The following RSPH14 variants were observed in gnomAD, a reference collection of about 807,000 sequenced individuals.
RSPH14 encodes the protein rhabdoid tumor deletion region gene 1.
In RSPH14, 20 loss-of-function variants were observed where a neutral mutation model predicts 26.7. The observed-to-expected ratio is 0.75, with a 90% CI of 0.53 to 1.09. The LOEUF is 1.09. RSPH14 is among the 50% of genes least tolerant of loss of function. The pLI is 0.00. For synonymous variants in RSPH14, 177 were observed against 189.3 expected, an observed-to-expected ratio of 0.93 and a Z score of 0.53; for missense variants, 449 against 457.2, an observed-to-expected ratio of 0.98 and a Z score of 0.16.
At chr22:23,077,336 A>G (rs1280336211) in intron 4 of RSPH14, among the ~76,000 whole-genome samples, 1 of 151,832 alleles carries the variant, frequency 6.6e-6, no homozygotes, top group Non-Finnish European at 1.5e-5. Context: ...TTGATGCCTC[A>G]CTCCCTGTAG....
chr22:23,108,154 C>T (rs2069538017), intron 4 of RSPH14, among the ~76,000 whole-genome samples: 1 of 152,236 alleles, frequency 6.6e-6, no homozygotes, highest in African/African-American at 2.4e-5. Context: ...GCCAGGCAAT[C>T]CCAACCCCTG....
upstream of RSPH14, among the ~76,000 whole-genome samples, chr22:23,144,123 G>T (rs139594866): frequency 3.9e-3 from 493 of 126,062 alleles, 4 homozygotes; most frequent in African/African-American, 0.014. Context: ...AAAAAAAACA[G>T]CTAAAGGAGG....
At chr22:23,150,782 G>A in the RSPH14 span, among the ~76,000 whole-genome samples, 2 of 152,066 alleles carry the variant, frequency 1.3e-5, no homozygotes, top group South Asian at 2.1e-4. Flanking sequence ...AGGTCTCAGC[G>A]TGTCAAGTCC....
chr22:23,061,130 G>A (rs2068084932), intron 6 of RSPH14, among the ~76,000 whole-genome samples: 1 of 152,198 alleles, frequency 6.6e-6, no homozygotes, highest in Non-Finnish European at 1.5e-5. Context: ...TTGGGAGGCT[G>A]ATTGCAAATC....
chr22:23,178,399 G>A, the RSPH14 span, among the ~76,000 whole-genome samples: 1 of 148,554 alleles, frequency 6.7e-6, no homozygotes, highest in South Asian at 2.1e-4. Context: ...CTGGGCAACA[G>A]TGTGAGACTC....
intron 6 of RSPH14, among the ~76,000 whole-genome samples, chr22:23,061,209 C>T (rs1179665941): frequency 1.3e-5 from 2 of 152,070 alleles, no homozygotes; most frequent in African/African-American, 4.8e-5. Flanking sequence ...TGTGTAGGGG[C>T]CAGAGGGAAA....
chr22:23,064,296 G>T (rs911178442), intron 4 of RSPH14, among the ~76,000 whole-genome samples, 163 bp from the exon 5 acceptor site: 15 of 152,238 alleles, frequency 9.9e-5, no homozygotes, highest in African/African-American at 3.4e-4. Flanking sequence ...CTGGCCAGGG[G>T]CCTGAGCGAC....
At chr22:23,152,500 C>G in the RSPH14 span, 1 of 1,614,176 alleles carries the variant, frequency 6.2e-7, no homozygotes, top group Non-Finnish European at 8.5e-7. Context: ...GCGATCTCTA[C>G]GTGGGGAAGA....
At chr22:23,111,721 A>G (rs1050671849) in intron 4 of RSPH14, among the ~76,000 whole-genome samples, 1 of 152,080 alleles carries the variant, frequency 6.6e-6, no homozygotes, top group Admixed American at 6.6e-5. Flanking sequence ...GACAGCCAGT[A>G]CCTCCCAGGC....
At chr22:23,165,601 T>C in the RSPH14 span, among the ~76,000 whole-genome samples, 17 of 152,214 alleles carry the variant, frequency 1.1e-4, no homozygotes, top group Non-Finnish European at 2.2e-4. Context: ...TATTTAGTAC[T>C]ATGTAACAAA....
chr22:23,145,380 T>C (rs763151233), upstream of RSPH14: 7 of 1,607,624 alleles, frequency 4.4e-6, no homozygotes, highest in African/African-American at 5.3e-5. Context: ...TGATCGCCGG[T>C]GCAAGCTGGA....
intron 4 of RSPH14, among the ~76,000 whole-genome samples, chr22:23,120,825 A>G (rs1048017179): frequency 1.3e-5 from 2 of 152,154 alleles, no homozygotes; most frequent in Admixed American, 6.5e-5. Flanking sequence ...CTGGCATGAG[A>G]GCTGATGTGG....
chr22:23,169,044 G>A, the RSPH14 span, among the ~76,000 whole-genome samples: 258 of 152,314 alleles, frequency 1.7e-3, no homozygotes, highest in Admixed American at 2.9e-3. Context: ...TGGTGGCCAG[G>A]AGACTCCGCT....
intron 4 of RSPH14, among the ~76,000 whole-genome samples, chr22:23,130,532 G>GAAAGAAAGAAAGAAAGAAAGA (rs367560383): frequency 1.2e-5 from 1 of 84,872 alleles, no homozygotes; most frequent in African/African-American, 4.4e-5. Context: ...AAGAAAGAAA[G>GAAAGAAAGAAAGAAAGAAAGA]AGAAAGAAGG....
chr22:23,172,635 G>A, the RSPH14 span, among the ~76,000 whole-genome samples: 5 of 147,644 alleles, frequency 3.4e-5, no homozygotes, highest in African/African-American at 1.3e-4. Context: ...CCCAGGAGGC[G>A]GAGCAAGAAT....
intron 4 of RSPH14, among the ~76,000 whole-genome samples, chr22:23,109,178 C>G (rs1454550584): frequency 6.6e-6 from 1 of 152,212 alleles, no homozygotes; most frequent in African/African-American, 2.4e-5. Flanking sequence ...TAACTGCTGT[C>G]TCACAGCTAC....
chr22:23,068,181 C>T (rs920574136), intron 4 of RSPH14, among the ~76,000 whole-genome samples: 11 of 152,192 alleles, frequency 7.2e-5, no homozygotes, highest in Non-Finnish European at 1.5e-4. Context: ...TGTCCTGCAC[C>T]GTCCCCGCCT....
At chr22:23,076,523 C>G (rs2068510723) in intron 4 of RSPH14, among the ~76,000 whole-genome samples, 1 of 152,142 alleles carries the variant, frequency 6.6e-6, no homozygotes, top group Non-Finnish European at 1.5e-5. Flanking sequence ...CAGGTTTGGC[C>G]ACCAAACACA....
chr22:23,098,187 G>T (rs116704791), intron 4 of RSPH14, among the ~76,000 whole-genome samples: 1 of 152,230 alleles, frequency 6.6e-6, no homozygotes. Flanking sequence ...TGCTCTAGCC[G>T]TGGTCAGCTT....
Sources: allele counts gnomAD v4.1 joint callset (sites outside exome capture counted in the v4.1 genomes callset), GRCh38; gene constraint gnomAD v4.1.1; transcripts MANE v1.5; gene names NCBI Gene and HGNC (gene_info 2026-07-23, HGNC 2026-07-21).